The following KDM4C variants were observed in gnomAD, a reference collection of about 807,000 sequenced individuals.
KDM4C encodes lysine-specific demethylase 4C.
A neutral mutation model predicts 129.3 loss-of-function variants in KDM4C; 81 were observed. The ratio of observed to expected loss-of-function variants is 0.63; its 90% CI spans 0.52 to 0.75. KDM4C has a LOEUF of 0.75. KDM4C is among the 30% of genes least tolerant of loss of function. The probability of loss-of-function intolerance (pLI) is 0.00; values close to 1 mark genes in which losing one functional copy is unlikely to be tolerated. For synonymous variants in KDM4C, 573 were observed against 456.1 expected (o/e 1.26, Z -3.26); for missense variants, 1,457 against 1,304.0 (o/e 1.12, Z -1.81).
chr9:6,732,222 G>A (rs916741094), intron 1 of KDM4C, among the ~76,000 whole-genome samples: 7 of 151,246 alleles, frequency 4.6e-5, no homozygotes, highest in African/African-American at 1.7e-4. Flanking sequence ...AAAATTAGCC[G>A]GGCGTGGTGG....
chr9:6,921,397 C>T (rs1480273251), intron 8 of KDM4C, among the ~76,000 whole-genome samples: 1 of 152,188 alleles, frequency 6.6e-6, no homozygotes, highest in African/African-American at 2.4e-5. Flanking sequence ...GACTTCTCCA[C>T]CTCATTTAGT....
chr9:7,140,527 T>A (rs1841640665), intron 19 of KDM4C, among the ~76,000 whole-genome samples: 1 of 152,130 alleles, frequency 6.6e-6, no homozygotes. Context: ...GGCTAATGCT[T>A]CCCATGAAGG....
At chr9:7,144,786 A>G (rs942769336) in intron 19 of KDM4C, among the ~76,000 whole-genome samples, 7 of 152,268 alleles carry the variant, frequency 4.6e-5, no homozygotes, top group Non-Finnish European at 5.9e-5. Context: ...CAGCCTCCAC[A>G]CTGTAAGACG....
intron 8 of KDM4C, among the ~76,000 whole-genome samples, chr9:6,972,109 C>T (rs1033426458): frequency 4.6e-5 from 7 of 151,860 alleles, no homozygotes; most frequent in African/African-American, 1.2e-4. Context: ...ACAATGGGTA[C>T]GAAATAAAAC....
intron 15 of KDM4C, among the ~76,000 whole-genome samples, chr9:7,044,795 T>C (rs1829153000): frequency 6.6e-6 from 1 of 151,804 alleles, no homozygotes; most frequent in Non-Finnish European, 1.5e-5. Context: ...TCAGCAGGCA[T>C]GTGTGGAGAG....
At chr9:6,734,302 T>TTG (rs1817451087) in intron 1 of KDM4C, among the ~76,000 whole-genome samples, 1 of 148,726 alleles carries the variant, frequency 6.7e-6, no homozygotes, top group African/African-American at 2.5e-5. Context: ...TTTTTTTTTT[T>TTG]TTTTTTTTTT....
intron 8 of KDM4C, among the ~76,000 whole-genome samples, chr9:6,972,822 C>A (rs1021133626): frequency 6.6e-6 from 1 of 152,094 alleles, no homozygotes; most frequent in Admixed American, 6.5e-5. Flanking sequence ...GAAATGTTTC[C>A]CCATATTCTT....
intron 12 of KDM4C, among the ~76,000 whole-genome samples, chr9:6,991,223 C>G (rs1233683456): frequency 3.3e-5 from 5 of 151,944 alleles, no homozygotes; most frequent in Non-Finnish European, 1.5e-5. Flanking sequence ...GGACCACAAG[C>G]ATGCACCATC....
chr9:6,752,135 C>T (rs1161975696), intron 1 of KDM4C, among the ~76,000 whole-genome samples: 3 of 151,070 alleles, frequency 2.0e-5, no homozygotes, highest in Non-Finnish European at 4.4e-5. Flanking sequence ...AGATCGAGAC[C>T]ATCCTGGCTA....
At chr9:6,834,918 C>G in intron 4 of KDM4C, 1 of 1,183,960 alleles carries the variant, frequency 8.4e-7, no homozygotes, top group Non-Finnish European at 1.3e-6. Context: ...GTGATGGACT[C>G]CGGTGACGGG....
At chr9:6,805,857 A>G (rs1344655114) in intron 3 of KDM4C, 83 bp downstream of exon 3, 1 of 1,286,060 alleles carries the variant, frequency 7.8e-7, no homozygotes, top group East Asian at 2.4e-5. Context: ...AGAGGAGCTT[A>G]TAAATGAAAA....
chr9:7,099,293 A>T (rs972130902), intron 17 of KDM4C, among the ~76,000 whole-genome samples: 1 of 152,266 alleles, frequency 6.6e-6, no homozygotes, highest in East Asian at 1.9e-4. Context: ...TTGAACCTCC[A>T]GCTCCTTCAC....
At chr9:6,827,764 C>CAG (rs1176600284) in intron 4 of KDM4C, among the ~76,000 whole-genome samples, 2 of 152,164 alleles carry the variant, frequency 1.3e-5, no homozygotes, top group African/African-American at 4.8e-5. Flanking sequence ...GGTTTTGACG[C>CAG]AGAGAGAGAG....
rs751308742 is a variant in KDM4C, at chr9:6,986,627, G to T, written c.1638G>T (p.Ala546=). 3.7e-6 allele frequency: 6 copies of T among 1,613,042 alleles called. No homozygotes were observed. Among genetic ancestry groups the T allele is most frequent in the Admixed American group, 1.7e-5 (1 of 59,982 alleles). Residue 546 remains alanine, a synonymous_variant, in exon 11 of 22, where the codon GCG becomes GCT. Transcript: ENST00000381309. ...GCCTTGAACCTGGGGAAATCCCAGCGGTCCCCAGTGGAGAGAGAAATAGCT... is the reference window on the plus strand; with the variant it reads ...GCCTTGAACCTGGGGAAATCCCAGCTGTCCCCAGTGGAGAGAGAAATAGCT... The part of the protein sequence containing the change: ...GNGLEPGEIP[A]VPSGERNSFK...
In KDM4C at chr9:6,859,937, G is replaced by T. The variant is rs576085730; in HGVS notation, c.629+10237G>T. ...TATCTAGTTATTAATAAGTCTTGCAGTTGGGATTCAGACTATTAACTGATT... is the reference window on the plus strand; with the variant it reads ...TATCTAGTTATTAATAAGTCTTGCATTTGGGATTCAGACTATTAACTGATT... On this transcript the variant is annotated intron_variant, in intron 5 of 21. Transcript: ENST00000381309. Among the ~76,000 whole-genome samples, 130 of 151,848 alleles carry T rather than the reference G, an allele frequency of 8.6e-4. 1 individual carries two copies. Among genetic ancestry groups the T allele is most frequent in the African/African-American group, 3.0e-3 (126 of 41,428 alleles).
chr9:6,800,536 A>G (rs1828738756), intron 2 of KDM4C, among the ~76,000 whole-genome samples: 1 of 151,958 alleles, frequency 6.6e-6, no homozygotes, highest in South Asian at 2.1e-4. Flanking sequence ...CCCTGTCTCA[A>G]AAAAAAAGTT....
At chr9:6,804,757 C>CA (rs778108422) in intron 2 of KDM4C, among the ~76,000 whole-genome samples, 6,049 of 94,292 alleles carry the variant, frequency 0.064, 265 homozygotes, top group African/African-American at 0.17. Context: ...GACTCCGTCT[C>CA]AAAAAAAAAA....
At chr9:6,992,327 G>A (rs1285807543) in intron 12 of KDM4C, among the ~76,000 whole-genome samples, 2 of 152,208 alleles carry the variant, frequency 1.3e-5, no homozygotes, top group Non-Finnish European at 2.9e-5. Flanking sequence ...ATTTCAGTTT[G>A]TATAGCTTGC....
At chr9:6,851,672 T>G (rs1461053326) in intron 5 of KDM4C, among the ~76,000 whole-genome samples, 1 of 152,186 alleles carries the variant, frequency 6.6e-6, no homozygotes, top group Non-Finnish European at 1.5e-5. Context: ...TAATTTGAGT[T>G]TTCAGTATTA....
Sources: gnomAD v4.1 joint callset for allele counts (sites outside exome capture counted in the v4.1 genomes callset) on GRCh38, gnomAD v4.1.1 for gene constraint, MANE v1.5 for transcripts, NCBI Gene and HGNC (gene_info 2026-07-23, HGNC 2026-07-21) for gene names.